SLCO1A2: variants seen among roughly 807,000 people sequenced by gnomAD.
The protein encoded by SLCO1A2 is solute carrier organic anion transporter family member 1A2.
SLCO1A2 carries 67 observed loss-of-function variants against 69.0 expected under a neutral mutation model. The ratio of observed to expected loss-of-function variants is 0.97; its 90% CI spans 0.80 to 1.19. SLCO1A2 has a LOEUF of 1.19. Among genes scored for constraint, SLCO1A2 ranks in the 50% most tolerant of loss-of-function variants. The pLI, the probability that SLCO1A2 is intolerant of heterozygous loss-of-function variation, is 0.00. For synonymous variants in SLCO1A2, 260 were observed against 265.9 expected (o/e 0.98, Z 0.22); for missense variants, 787 against 793.7 (o/e 0.99, Z 0.10).
intron 2 of SLCO1A2, among the ~76,000 whole-genome samples, chr12:21,362,823 T>G (rs951551761): frequency 6.6e-6 from 1 of 152,088 alleles, no homozygotes; most frequent in Admixed American, 6.5e-5. Context: ...GGTAACAGGA[T>G]CAATTCAACA....
At chr12:21,351,320 C>T (rs937703449) in intron 2 of SLCO1A2, among the ~76,000 whole-genome samples, 2 of 152,202 alleles carry the variant, frequency 1.3e-5, no homozygotes, top group African/African-American at 4.8e-5. Flanking sequence ...AGTGCAGTTT[C>T]TCCAAGTGTG....
upstream of SLCO1A2, among the ~76,000 whole-genome samples, chr12:21,418,446 T>C (rs953876084): frequency 6.6e-6 from 1 of 152,106 alleles, no homozygotes; most frequent in Non-Finnish European, 1.5e-5. Flanking sequence ...TACCTGAGAC[T>C]GGGTAGGTTA....
chr12:21,313,605 G>A (rs555279420), intron 4 of SLCO1A2, among the ~76,000 whole-genome samples: 8 of 152,132 alleles, frequency 5.3e-5, no homozygotes, highest in South Asian at 4.1e-4. Flanking sequence ...CCAGCTACTC[G>A]GGAGGCTGAG....
intron 1 of SLCO1A2, among the ~76,000 whole-genome samples, chr12:21,390,300 T>C (rs1941088985): frequency 6.6e-6 from 1 of 152,134 alleles, no homozygotes; most frequent in Non-Finnish European, 1.5e-5. Flanking sequence ...TAAATTACTG[T>C]TGCATACTTT....
At chr12:21,368,476 T>C (rs1182301785) in intron 2 of SLCO1A2, among the ~76,000 whole-genome samples, 1 of 152,178 alleles carries the variant, frequency 6.6e-6, no homozygotes, top group Non-Finnish European at 1.5e-5. Flanking sequence ...TTAAATTTTT[T>C]TTTTTGTAGA....
upstream of SLCO1A2, among the ~76,000 whole-genome samples, chr12:21,337,661 T>TA (rs1187346331): frequency 6.6e-6 from 1 of 151,938 alleles, no homozygotes; most frequent in Admixed American, 6.6e-5. Context: ...TTTCAACCAA[T>TA]ACTAATCCAA....
chr12:21,276,417 C>G (rs971711910), intron 12 of SLCO1A2, among the ~76,000 whole-genome samples: 2 of 138,450 alleles, frequency 1.4e-5, no homozygotes, highest in Non-Finnish European at 3.1e-5. Context: ...CACACACACA[C>G]ACACACAGAC....
At chr12:21,329,185 A>G (rs1952446605) in intron 2 of SLCO1A2, among the ~76,000 whole-genome samples, 1 of 152,216 alleles carries the variant, frequency 6.6e-6, no homozygotes, top group South Asian at 2.1e-4. Context: ...TCCTTAAAGT[A>G]GTTAAGGTTT....
At chr12:21,336,700 T>C (rs1952903149), upstream of SLCO1A2, among the ~76,000 whole-genome samples, 1 of 152,002 alleles carries the variant, frequency 6.6e-6, no homozygotes, top group Admixed American at 6.6e-5. Context: ...ACGGTTAATA[T>C]CATAGTCATT....
At chr12:21,322,754 C>T (rs1319676847) in intron 2 of SLCO1A2, among the ~76,000 whole-genome samples, 2 of 152,112 alleles carry the variant, frequency 1.3e-5, no homozygotes, top group African/African-American at 4.8e-5. Flanking sequence ...ATGTCTGGCC[C>T]ACCCCTCCTT....
At chr12:21,389,874 C>T (rs1169960331) in intron 1 of SLCO1A2, among the ~76,000 whole-genome samples, 1 of 149,404 alleles carries the variant, frequency 6.7e-6, no homozygotes, top group Non-Finnish European at 1.5e-5. Context: ...TAAAATGCTT[C>T]CTATGGGTTT....
Position 21,409,380 on chromosome 12 carries a change from A to G in SLCO1A2, c.-312+8502T>C, listed in dbSNP as rs528475273. ...TGGGTAGAATCTGGCCTGCCACCTG[A>G]TTTTGTAATTAGAGTTTTTACTGGA... On this transcript the variant is annotated intron_variant, in intron 1 of 4. Transcript: ENST00000413682. Among the ~76,000 whole-genome samples the G allele has an allele frequency of 3.2e-4, 49 of 152,302 alleles. 1 individual carries two copies. The highest frequency in any genetic ancestry group is 2.4e-3 in the Admixed American group (36 of 15,298).
intron 12 of SLCO1A2, among the ~76,000 whole-genome samples, chr12:21,285,839 G>A (rs1433776136): frequency 6.6e-6 from 1 of 151,970 alleles, no homozygotes; most frequent in Non-Finnish European, 1.5e-5. Flanking sequence ...CAATAAATTA[G>A]GTATTGATGG....
chr12:21,380,211 A>G (rs1418775784), intron 1 of SLCO1A2, among the ~76,000 whole-genome samples: 1 of 152,188 alleles, frequency 6.6e-6, no homozygotes, highest in Non-Finnish European at 1.5e-5. Flanking sequence ...AGGTTTATAA[A>G]TATTACATAT....
chr12:21,371,477 G>A (rs555636081), intron 2 of SLCO1A2, among the ~76,000 whole-genome samples: 1 of 152,112 alleles, frequency 6.6e-6, no homozygotes, highest in Admixed American at 6.5e-5. Context: ...TTAGAACAAG[G>A]ATTCTAAACA....
At chr12:21,327,595 C>A (rs542373803) in intron 2 of SLCO1A2, among the ~76,000 whole-genome samples, 1 of 152,292 alleles carries the variant, frequency 6.6e-6, no homozygotes, top group Non-Finnish European at 1.5e-5. Flanking sequence ...ATGTGAGACA[C>A]GCAGTCAAAG....
chr12:21,401,256 T>G (rs992063746), intron 1 of SLCO1A2, among the ~76,000 whole-genome samples: 1 of 151,868 alleles, frequency 6.6e-6, no homozygotes, highest in African/African-American at 2.4e-5. Context: ...AATAAAAGAA[T>G]TTGATACAGC....
At chr12:21,278,932 G>T (rs962730429) in intron 12 of SLCO1A2, among the ~76,000 whole-genome samples, 10 of 152,026 alleles carry the variant, frequency 6.6e-5, no homozygotes, top group Non-Finnish European at 1.5e-4. Context: ...CTATTTTGAG[G>T]AAACTCAAAG....
intron 2 of SLCO1A2, among the ~76,000 whole-genome samples, chr12:21,325,935 C>A (rs1473895749): frequency 1.3e-5 from 2 of 152,128 alleles, no homozygotes; most frequent in East Asian, 1.9e-4. Flanking sequence ...TAGCACTTAA[C>A]CTCCAAATTT....
Sources: gnomAD v4.1 joint callset for allele counts (sites outside exome capture counted in the v4.1 genomes callset) on GRCh38, gnomAD v4.1.1 for gene constraint, MANE v1.5 for transcripts, NCBI Gene and HGNC (gene_info 2026-07-23, HGNC 2026-07-21) for gene names.